Variants in SHROOM2 observed in about 807,000 individuals in gnomAD.
SHROOM2 encodes shroom family member 2, also known as protein Shroom2.
In SHROOM2, 33 loss-of-function variants were observed where a neutral mutation model predicts 75.9. That is an observed-to-expected ratio of 0.43 (90% CI 0.33 to 0.58). SHROOM2 has a LOEUF of 0.58. Ranked by LOEUF, SHROOM2 falls within the 20% of genes least tolerant of loss-of-function variation. The pLI, the probability that SHROOM2 is intolerant of heterozygous loss-of-function variation, is 0.04. For synonymous variants in SHROOM2, 655 were observed against 663.6 expected (o/e 0.99, Z 0.20); for missense variants, 1,434 against 1,461.2 (o/e 0.98, Z 0.30).
chrX:9,936,896 T>C (rs1306647933), intron 6 of SHROOM2, among the ~76,000 whole-genome samples: 1 of 111,280 alleles, frequency 9.0e-6, no homozygotes, highest in African/African-American at 3.3e-5. Context: ...AGGGGTGGCA[T>C]TGGCGGTTTG....
At chrX:9,944,328 C>T (rs1292608414) in intron 8 of SHROOM2, among the ~76,000 whole-genome samples, 1 of 111,824 alleles carries the variant, frequency 8.9e-6, no homozygotes, top group Non-Finnish European at 1.9e-5. Flanking sequence ...GTGACTCCTT[C>T]CAAAGATATG....
intron 1 of SHROOM2, among the ~76,000 whole-genome samples, chrX:9,825,115 T>C (rs2083881168): frequency 8.9e-6 from 1 of 112,139 alleles, no homozygotes; most frequent in Non-Finnish European, 1.9e-5. Flanking sequence ...TGGAAAAATC[T>C]CCCTAAATAT....
At chrX:9,898,432 A>G in intron 5 of SHROOM2, 142 bp downstream of exon 5, 1 of 481,850 alleles carries the variant, frequency 2.1e-6, no homozygotes, top group Non-Finnish European at 3.6e-6. Flanking sequence ...GATTTCTAGC[A>G]TCCCTGACGT....
At chrX:9,910,176 G>A (rs1400116253) in intron 5 of SHROOM2, among the ~76,000 whole-genome samples, 1 of 111,153 alleles carries the variant, frequency 9.0e-6, no homozygotes, top group African/African-American at 3.3e-5. Flanking sequence ...AAGCAGGCCT[G>A]AGTATGATGC....
chrX:9,804,048 C>G (rs2083738547), intron 1 of SHROOM2, among the ~76,000 whole-genome samples: 1 of 111,566 alleles, frequency 9.0e-6, no homozygotes, highest in Non-Finnish European at 1.9e-5. Context: ...AAGGAAGGCC[C>G]ACTGGGTTAA....
chrX:9,861,700 C>T (rs778563616), intron 1 of SHROOM2, among the ~76,000 whole-genome samples: 5 of 112,056 alleles, frequency 4.5e-5, no homozygotes, highest in Non-Finnish European at 9.4e-5. Context: ...TCCTGGTCGT[C>T]CTAGGATGTA....
rs372682515 is a variant in SHROOM2 at position 9,873,829 on chromosome X, T to A, written c.317+26T>A. ...GTAAGATCTGAGCTTCCTCCCACAT[T>A]TACCACGACACACAGGAATGAGTGG... On this transcript the variant is annotated intron_variant, in intron 2 of 9. Transcript: ENST00000380913. 5.0e-6 allele frequency: 6 copies of A among 1,202,185 alleles called. No individual in the cohort carries two copies. In the African/African-American group the frequency reaches 1.1e-4, roughly 21 times the overall value.
chrX:9,841,208 G>A (rs1291783687), intron 1 of SHROOM2, among the ~76,000 whole-genome samples: 3 of 111,540 alleles, frequency 2.7e-5, no homozygotes, highest in Non-Finnish European at 5.6e-5. Flanking sequence ...CTTCCGCCTC[G>A]GCCTCCCAAA....
At chrX:9,928,702 C>G (rs2084618469) in intron 5 of SHROOM2, among the ~76,000 whole-genome samples, 1 of 110,745 alleles carries the variant, frequency 9.0e-6, no homozygotes, top group African/African-American at 3.3e-5. Flanking sequence ...ACACATACAA[C>G]ACACATGGAC....
chrX:9,870,660 AG>A (rs2084166215), intron 1 of SHROOM2, among the ~76,000 whole-genome samples: 1 of 112,553 alleles, frequency 8.9e-6, no homozygotes, highest in African/African-American at 3.2e-5. Flanking sequence ...ATGTACTTAA[AG>A]AGACCAATCT....
At chrX:9,808,633 G>A (rs753639637) in intron 1 of SHROOM2, among the ~76,000 whole-genome samples, 59 of 110,172 alleles carry the variant, frequency 5.4e-4, no homozygotes, top group African/African-American at 1.8e-3. Flanking sequence ...AGGCCAAGGT[G>A]GGTGGATCAC....
chrX:9,809,102 G>C (rs761223685), intron 1 of SHROOM2, among the ~76,000 whole-genome samples: 7 of 102,723 alleles, frequency 6.8e-5, no homozygotes, highest in Non-Finnish European at 1.4e-4. Flanking sequence ...TTATTAGTCA[G>C]GGTTCTCTAG....
intron 1 of SHROOM2, among the ~76,000 whole-genome samples, chrX:9,823,144 T>TC (rs1336677562): frequency 8.7e-5 from 7 of 80,698 alleles, no homozygotes; most frequent in Admixed American, 3.0e-4. Context: ...CTTCTCCTTC[T>TC]CCTTCTTCCT....
chrX:9,818,868 T>C (rs7055937), intron 1 of SHROOM2: 38,978 of 521,544 alleles, frequency 0.075, 1,175 homozygotes, highest in Non-Finnish European at 0.092. Context: ...GATCACTGAT[T>C]TCATCCATTC....
At chrX:9,894,060 C>T (rs1261191938) in intron 3 of SHROOM2, among the ~76,000 whole-genome samples, 1 of 111,245 alleles carries the variant, frequency 9.0e-6, no homozygotes, top group Non-Finnish European at 1.9e-5. Context: ...GCAGACGTTG[C>T]CTGCCAACGA....
At chrX:9,867,334 G>A (rs2084145848) in intron 1 of SHROOM2, among the ~76,000 whole-genome samples, 1 of 111,481 alleles carries the variant, frequency 9.0e-6, no homozygotes, top group Non-Finnish European at 1.9e-5. Context: ...AGTGCCCATA[G>A]CATGGCACCT....
intron 1 of SHROOM2, among the ~76,000 whole-genome samples, chrX:9,803,972 A>G (rs1223913389): frequency 1.8e-5 from 2 of 111,358 alleles, no homozygotes; most frequent in East Asian, 5.7e-4. Context: ...ATCCACAGAC[A>G]TTTTAACGGT....
At chrX:9,946,645 C>A in intron 9 of SHROOM2, 26 bp from the exon 10 acceptor site, 1 of 1,195,748 alleles carries the variant, frequency 8.4e-7, no homozygotes. Flanking sequence ...TCCTGGTCCT[C>A]AACAGGCTTG....
chrX:9,793,993 C>T (rs2083681468), intron 1 of SHROOM2, among the ~76,000 whole-genome samples: 1 of 112,086 alleles, frequency 8.9e-6, no homozygotes. Flanking sequence ...GATCCTCCCA[C>T]CTTGGCCTCC....
Sources: gnomAD v4.1 joint callset for allele counts (sites outside exome capture counted in the v4.1 genomes callset) on GRCh38, gnomAD v4.1.1 for gene constraint, MANE v1.5 for transcripts, NCBI Gene and HGNC (gene_info 2026-07-23, HGNC 2026-07-21) for gene names.